TCERG1L: variants seen among roughly 807,000 people sequenced by gnomAD.
TCERG1L encodes the protein transcription elongation regulator 1 like.
Under a neutral mutation model 56.3 loss-of-function variants are expected in TCERG1L, and 37 were observed. That is an observed-to-expected ratio of 0.66 (90% confidence interval 0.51 to 0.87). The LOEUF is 0.87. Among genes scored for constraint, TCERG1L ranks in the 40% least tolerant of loss-of-function variants. The pLI, the probability that TCERG1L is intolerant of heterozygous loss-of-function variation, is 0.00. For missense variants in TCERG1L, 799 were observed against 774.2 expected (o/e 1.03, Z -0.38); for synonymous variants, 324 against 326.3 (o/e 0.99, Z 0.08).
chr10:131,260,377 AGCGGCG>A lies in TCERG1L; in HGVS notation c.732_737del (p.Ala246_Ala247del), dbSNP rs751844942. The A allele has an allele frequency of 8.7e-6, 13 of 1,496,712 alleles. No homozygotes were observed. In the South Asian group the frequency reaches 9.9e-5, roughly 11 times the overall value. 92.7% of individuals were successfully genotyped at this position (1,496,712 alleles called of 1,614,324 possible). A position where few individuals can be genotyped will look rare whatever the true frequency, so the allele number is the denominator to read the frequency against. On this transcript the variant is annotated inframe_deletion, in exon 4 of 12. Transcript: ENST00000368642. This position sits in a 1 kb window ranked among gnomAD's most constrained non-coding sequence, Gnocchi z 5.8. ...TCTCAGGGTCCACGGAGACCATGGC[AGCGGCG>A]GCGGCGGTGGCGATGGCAATGGCGG...
chr10:131,228,019 G>C (rs1349514416), intron 4 of TCERG1L, among the ~76,000 whole-genome samples: 1 of 135,218 alleles, frequency 7.4e-6, no homozygotes, highest in Non-Finnish European at 1.6e-5. Context: ...TGTCCTCCTT[G>C]CCCAGCCCCC....
At chr10:131,162,960 T>C in intron 6 of TCERG1L, 162 bp downstream of exon 6, 1 of 542,910 alleles carries the variant, frequency 1.8e-6, no homozygotes, top group Non-Finnish European at 3.2e-6. Context: ...TTCTGCAGAA[T>C]GTGACCACAG....
intron 6 of TCERG1L, among the ~76,000 whole-genome samples, chr10:131,153,497 T>G (rs962441458): frequency 3.3e-5 from 5 of 152,294 alleles, no homozygotes; most frequent in African/African-American, 1.2e-4. Context: ...CCACTGGGTC[T>G]CATCATTTTC....
chr10:131,309,029 T>C (rs1449360515), intron 2 of TCERG1L, 124 bp downstream of exon 2: 1 of 1,102,558 alleles, frequency 9.1e-7, no homozygotes, highest in Non-Finnish European at 1.3e-6. Context: ...AATGATTTAT[T>C]TCTATACCTA....
At chr10:131,298,143 T>C (rs1846718442) in intron 3 of TCERG1L, among the ~76,000 whole-genome samples, 1 of 85,854 alleles carries the variant, frequency 1.2e-5, no homozygotes, top group South Asian at 4.3e-4. Flanking sequence ...TAATTTGAGG[T>C]ATTTCTTTTT....
At chr10:131,181,969 T>C (rs1451417796) in intron 4 of TCERG1L, among the ~76,000 whole-genome samples, 2 of 152,140 alleles carry the variant, frequency 1.3e-5, no homozygotes, top group African/African-American at 4.8e-5. Flanking sequence ...TCAAAACCAA[T>C]CTCAACAGCA....
chr10:131,247,014 C>T (rs1363177935), intron 4 of TCERG1L, among the ~76,000 whole-genome samples: 1 of 151,810 alleles, frequency 6.6e-6, no homozygotes, highest in Non-Finnish European at 1.5e-5. Context: ...ACGACACCGG[C>T]GCTGCGGCAC....
chr10:131,146,406 T>C, intron 7 of TCERG1L, 100 bp downstream of exon 7: 1 of 1,349,956 alleles, frequency 7.4e-7, no homozygotes, highest in South Asian at 1.9e-5. Flanking sequence ...TAGTCAATTT[T>C]CAACATAACC....
intron 4 of TCERG1L, among the ~76,000 whole-genome samples, chr10:131,217,111 T>G (rs1325922697): frequency 6.6e-6 from 1 of 152,184 alleles, no homozygotes; most frequent in African/African-American, 2.4e-5. Context: ...CCAAATCTCA[T>G]GACAGATTGT....
intron 3 of TCERG1L, among the ~76,000 whole-genome samples, chr10:131,261,367 A>AG (rs1484638958): frequency 6.6e-6 from 1 of 152,004 alleles, no homozygotes; most frequent in Non-Finnish European, 1.5e-5. Context: ...ATAATTCACT[A>AG]CTCTTGATCT....
intron 4 of TCERG1L, among the ~76,000 whole-genome samples, chr10:131,171,122 G>A (rs982302476): frequency 8.6e-5 from 13 of 151,642 alleles, no homozygotes; most frequent in African/African-American, 3.2e-4. Context: ...TCCAGCCTGG[G>A]TGACAGAGCG....
chr10:131,280,572 G>T (rs866194938), intron 3 of TCERG1L, among the ~76,000 whole-genome samples: 2 of 152,162 alleles, frequency 1.3e-5, no homozygotes, highest in Non-Finnish European at 2.9e-5. Flanking sequence ...AATAGAATGG[G>T]ACGCAGGTTG....
intron 4 of TCERG1L, among the ~76,000 whole-genome samples, chr10:131,248,878 G>A (rs929992298): frequency 6.6e-6 from 1 of 152,166 alleles, no homozygotes; most frequent in East Asian, 1.9e-4. Context: ...TCTCAGAGTC[G>A]GCTTCTGACT....
At chr10:131,253,573 T>C (rs1589762587) in intron 4 of TCERG1L, among the ~76,000 whole-genome samples, 1 of 152,144 alleles carries the variant, frequency 6.6e-6, no homozygotes, top group Non-Finnish European at 1.5e-5. Flanking sequence ...AGCGGCTGGG[T>C]GACGTGGCAT....
chr10:131,157,007 A>G (rs1589731104), intron 6 of TCERG1L, among the ~76,000 whole-genome samples: 2 of 151,990 alleles, frequency 1.3e-5, no homozygotes, highest in South Asian at 4.2e-4. Context: ...CATAGCTCTT[A>G]CCTCTTTAGG....
At chr10:131,310,322 G>A (rs1166284836) in intron 1 of TCERG1L, among the ~76,000 whole-genome samples, 1 of 152,048 alleles carries the variant, frequency 6.6e-6, no homozygotes, top group African/African-American at 2.4e-5. Context: ...AAAATAAACT[G>A]CATCACACAT....
At chr10:131,131,319 T>C (rs929670702) in intron 8 of TCERG1L, among the ~76,000 whole-genome samples, 5 of 152,004 alleles carry the variant, frequency 3.3e-5, no homozygotes, top group South Asian at 2.1e-4. Context: ...CAGAGCCCAT[T>C]TGAAAGAGTT....
intron 5 of TCERG1L, among the ~76,000 whole-genome samples, chr10:131,166,523 T>C (rs1846031842): frequency 1.3e-5 from 2 of 152,228 alleles, no homozygotes; most frequent in South Asian, 4.1e-4. Flanking sequence ...CTCTTCCTTC[T>C]GAAAATGGAC....
At chr10:131,168,195 G>A (rs1846051856) in intron 4 of TCERG1L, among the ~76,000 whole-genome samples, 1 of 152,216 alleles carries the variant, frequency 6.6e-6, no homozygotes, top group South Asian at 2.1e-4. Flanking sequence ...CACACACATA[G>A]AAAGGATGTC....
Sources: gnomAD v4.1 joint callset for allele counts (sites outside exome capture counted in the v4.1 genomes callset) on GRCh38, gnomAD v4.1.1 for gene constraint, Gnocchi (gnomAD v3.1) non-coding constraint, MANE v1.5 for transcripts, NCBI Gene and HGNC (gene_info 2026-07-23, HGNC 2026-07-21) for gene names.